Variants in SLC24A3 observed in about 807,000 individuals in gnomAD.
The protein encoded by SLC24A3 is solute carrier family 24 member 3.
In SLC24A3, 28 loss-of-function variants were observed where a neutral mutation model predicts 75.8. That is an observed-to-expected ratio of 0.37 (90% CI 0.27 to 0.51). The LOEUF is 0.51. Among genes scored for constraint, SLC24A3 ranks in the 20% least tolerant of loss-of-function variants. The pLI is 0.94. For missense variants in SLC24A3, 663 were observed against 847.8 expected, an observed-to-expected ratio of 0.78 and a Z score of 2.71; for synonymous variants, 372 against 334.1, an observed-to-expected ratio of 1.11 and a Z score of -1.24.
chr20:19,413,384 C>A (rs1238326026), intron 2 of SLC24A3, among the ~76,000 whole-genome samples: 1 of 152,074 alleles, frequency 6.6e-6, no homozygotes, highest in Non-Finnish European at 1.5e-5. Flanking sequence ...GTCTCTAGGA[C>A]AGTGGAAAAG....
chr20:19,271,541 T>A (rs1983329781), intron 1 of SLC24A3, among the ~76,000 whole-genome samples: 1 of 152,206 alleles, frequency 6.6e-6, no homozygotes, highest in South Asian at 2.1e-4. Context: ...TGCACATGCA[T>A]GTTTATAGCA....
chr20:19,278,371 C>A (rs912632114), intron 1 of SLC24A3, among the ~76,000 whole-genome samples: 1 of 152,140 alleles, frequency 6.6e-6, no homozygotes, highest in Non-Finnish European at 1.5e-5. Context: ...GCTCTTCTAC[C>A]GATTCTTCTT....
chr20:19,523,458 G>T (rs1276556300), intron 3 of SLC24A3, among the ~76,000 whole-genome samples: 2 of 152,230 alleles, frequency 1.3e-5, no homozygotes, highest in African/African-American at 4.8e-5. Flanking sequence ...AGCACAAAGA[G>T]AGTAAATTAT....
intron 1 of SLC24A3, among the ~76,000 whole-genome samples, chr20:19,273,599 C>T (rs1983393932): frequency 6.6e-6 from 1 of 152,158 alleles, no homozygotes; most frequent in Non-Finnish European, 1.5e-5. Flanking sequence ...GTAACTCAGA[C>T]TCCAGGGTGC....
intron 6 of SLC24A3, among the ~76,000 whole-genome samples, chr20:19,590,633 G>A (rs976370674): frequency 7.2e-5 from 11 of 152,220 alleles, no homozygotes; most frequent in Non-Finnish European, 1.6e-4. Flanking sequence ...ACATGATCCT[G>A]TGAGTAGCAG....
intron 3 of SLC24A3, among the ~76,000 whole-genome samples, chr20:19,537,833 A>T (rs1381070648): frequency 7.0e-6 from 1 of 143,172 alleles, no homozygotes; most frequent in Non-Finnish European, 1.5e-5. Flanking sequence ...AACAATGAGA[A>T]CACATGGACA....
chr20:19,385,082 T>A (rs962620436), intron 2 of SLC24A3, among the ~76,000 whole-genome samples: 3 of 152,222 alleles, frequency 2.0e-5, no homozygotes, highest in African/African-American at 7.2e-5. Flanking sequence ...TTTTCTCATT[T>A]CTTAGGTTGC....
chr20:19,459,782 C>G (rs189718839), intron 2 of SLC24A3, among the ~76,000 whole-genome samples: 332 of 152,284 alleles, frequency 2.2e-3, no homozygotes, highest in Non-Finnish European at 3.8e-3. Flanking sequence ...GGGGAATCTT[C>G]CTTCTGCTGG....
chr20:19,229,513 A>G (rs576175584), intron 1 of SLC24A3, among the ~76,000 whole-genome samples: 1 of 152,202 alleles, frequency 6.6e-6, no homozygotes, highest in Admixed American at 6.5e-5. Flanking sequence ...TGCAGTCATT[A>G]TTGGTACTTT....
At chr20:19,641,892 A>G (rs1173330088) in intron 6 of SLC24A3, among the ~76,000 whole-genome samples, 3 of 152,176 alleles carry the variant, frequency 2.0e-5, no homozygotes. Context: ...TGTACTTAAC[A>G]AAGACACCCA....
In SLC24A3 at chr20:19,256,384, G is replaced by A. The variant is rs368516810; in HGVS notation, c.143-24575G>A. Among the ~76,000 whole-genome samples, 310 of 152,236 alleles carry A rather than the reference G, an allele frequency of 2.0e-3. 9 individuals are homozygous for A. The South Asian group carries it at 0.059, about 29-fold the overall frequency. The stretch of plus-strand genomic sequence containing the variant: ...ATGCAAAGTGTCTTTTTGGGGTGAT[G>A]AAAATATTCTAAAATTAGATGATGG... On this transcript the variant is annotated intron_variant, in intron 1 of 16. Coordinates refer to ENST00000328041, the MANE Select transcript of SLC24A3 (RefSeq NM_020689.4).
chr20:19,717,581 T>C lies in SLC24A3; in HGVS notation c.1773T>C (p.Ser591=). 1 of 1,614,208 alleles carries C rather than the reference T, an allele frequency of 6.2e-7. No individual in the cohort carries two copies. The highest frequency in any genetic ancestry group is 8.5e-7 in the Non-Finnish European group (1 of 1,180,026). Residue 591 remains serine (S), a synonymous_variant, in exon 16 of 17, where the codon TCT becomes TCC. Coordinates refer to ENST00000328041, the MANE Select transcript of SLC24A3 (RefSeq NM_020689.4). ...LIYSVGLLLA[S]VFVTVFGVHL... ...ACTCCGTAGGCTTGCTCCTGGCCTCTGTTTTTGTCACGGTAGGTTGGCAGC... is the reference window on the plus strand; with the variant it reads ...ACTCCGTAGGCTTGCTCCTGGCCTCCGTTTTTGTCACGGTAGGTTGGCAGC...
At chr20:19,563,672 A>G (rs1309228392) in intron 3 of SLC24A3, among the ~76,000 whole-genome samples, 2 of 152,230 alleles carry the variant, frequency 1.3e-5, no homozygotes, top group African/African-American at 4.8e-5. Context: ...TTGATTGGCC[A>G]GCAGTTCCAC....
At chr20:19,232,558 G>T (rs1160784018) in intron 1 of SLC24A3, among the ~76,000 whole-genome samples, 1 of 152,208 alleles carries the variant, frequency 6.6e-6, no homozygotes, top group African/African-American at 2.4e-5. Context: ...TTTGAATACT[G>T]TTAACTGAAC....
At chr20:19,645,536 C>T (rs770487411) in intron 6 of SLC24A3, among the ~76,000 whole-genome samples, 15 of 151,948 alleles carry the variant, frequency 9.9e-5, no homozygotes, top group Non-Finnish European at 1.9e-4. Flanking sequence ...AAGAGGTGGG[C>T]GATCCATGCA....
At chr20:19,314,123 A>G (rs923358339) in intron 2 of SLC24A3, among the ~76,000 whole-genome samples, 2 of 151,808 alleles carry the variant, frequency 1.3e-5, no homozygotes, top group African/African-American at 4.8e-5. Flanking sequence ...ACCTTTGAAA[A>G]TTTTCTGTCC....
intron 3 of SLC24A3, among the ~76,000 whole-genome samples, chr20:19,555,680 C>T (rs1008782557): frequency 6.6e-6 from 1 of 152,108 alleles, no homozygotes; most frequent in Non-Finnish European, 1.5e-5. Flanking sequence ...AACAGAGCAT[C>T]GTAAAACCAG....
intron 3 of SLC24A3, among the ~76,000 whole-genome samples, chr20:19,544,600 C>T (rs2030556789): frequency 6.9e-6 from 1 of 144,622 alleles, no homozygotes; most frequent in Admixed American, 7.1e-5. Flanking sequence ...AACACCCACT[C>T]TTCCTCTGGG....
chr20:19,609,105 A>C (rs1010477566), intron 6 of SLC24A3, among the ~76,000 whole-genome samples: 3 of 152,178 alleles, frequency 2.0e-5, no homozygotes, highest in Non-Finnish European at 4.4e-5. Flanking sequence ...AAAGAAAATG[A>C]TACTAATATT....
Sources: gnomAD v4.1 joint callset for allele counts (sites outside exome capture counted in the v4.1 genomes callset) on GRCh38, gnomAD v4.1.1 for gene constraint, MANE v1.5 for transcripts, NCBI Gene and HGNC (gene_info 2026-07-23, HGNC 2026-07-21) for gene names.